The following PSMA1 variants were observed in gnomAD, a reference collection of about 807,000 sequenced individuals.
PSMA1 encodes proteasome 20S subunit alpha 1, also known as proteasome subunit alpha type-1.
A neutral mutation model predicts 38.4 loss-of-function variants in PSMA1; 3 were observed. The ratio of observed to expected loss-of-function variants is 0.08; its 90% confidence interval spans 0.04 to 0.20. PSMA1 has a LOEUF of 0.20. Ranked by LOEUF, PSMA1 falls within the 10% of genes least tolerant of loss-of-function variation. The pLI is 1.00. For synonymous variants in PSMA1, 101 were observed against 107.1 expected, an observed-to-expected ratio of 0.94 and a Z score of 0.35; for missense variants, 227 against 325.3, an observed-to-expected ratio of 0.70 and a Z score of 2.32.
At chr11:14,514,276 C>A in intron 5 of PSMA1, 127 bp downstream of exon 5, 1 of 1,383,978 alleles carries the variant, frequency 7.2e-7, no homozygotes, top group South Asian at 1.9e-5. Context: ...AAAGAGCAAT[C>A]CAATTTGTTG....
At chr11:14,637,054 A>G (rs555003870) in intron 1 of PSMA1, among the ~76,000 whole-genome samples, 19 of 152,186 alleles carry the variant, frequency 1.2e-4, no homozygotes, top group African/African-American at 4.6e-4. Context: ...CCTCCTTTAA[A>G]ACTTAACAGT....
At chr11:14,599,176 T>G (rs1852545691) in intron 2 of PSMA1, among the ~76,000 whole-genome samples, 1 of 152,224 alleles carries the variant, frequency 6.6e-6, no homozygotes, top group Non-Finnish European at 1.5e-5. Context: ...TAACATTTTT[T>G]CCTTCATTTC....
chr11:14,516,557 T>C (rs1433776850), intron 4 of PSMA1, among the ~76,000 whole-genome samples: 1 of 152,252 alleles, frequency 6.6e-6, no homozygotes, highest in African/African-American at 2.4e-5. Context: ...GCTAACTACC[T>C]GCCATCCACA....
At chr11:14,582,344 C>T (rs1852290719) in intron 2 of PSMA1, among the ~76,000 whole-genome samples, 1 of 151,984 alleles carries the variant, frequency 6.6e-6, no homozygotes, top group African/African-American at 2.4e-5. Context: ...CTTTCTCTCC[C>T]CACCTAGAAT....
intron 2 of PSMA1, among the ~76,000 whole-genome samples, chr11:14,607,547 C>T (rs556627887): frequency 2.6e-5 from 4 of 152,276 alleles, no homozygotes; most frequent in African/African-American, 7.2e-5. Context: ...GATGTCTAGC[C>T]AAGTTGTCCT....
At chr11:14,617,956 G>A (rs1193521414) in intron 1 of PSMA1, among the ~76,000 whole-genome samples, 1 of 152,134 alleles carries the variant, frequency 6.6e-6, no homozygotes, top group Admixed American at 6.5e-5. Flanking sequence ...ACTAGCTGAT[G>A]ACTTTGGCCA....
At chr11:14,506,490 T>C (rs989602999) in intron 9 of PSMA1, among the ~76,000 whole-genome samples, 2 of 152,092 alleles carry the variant, frequency 1.3e-5, no homozygotes, top group African/African-American at 4.8e-5. Flanking sequence ...TGTAGAAATT[T>C]CCATACTAGA....
chr11:14,523,136 A>G (rs1851547413), upstream of PSMA1, among the ~76,000 whole-genome samples: 1 of 152,220 alleles, frequency 6.6e-6, no homozygotes, highest in Non-Finnish European at 1.5e-5. Flanking sequence ...TTGTAGACCA[A>G]AAGAAGGGGC....
At chr11:14,575,010 T>C (rs1852194931) in intron 2 of PSMA1, among the ~76,000 whole-genome samples, 1 of 152,186 alleles carries the variant, frequency 6.6e-6, no homozygotes, top group African/African-American at 2.4e-5. Flanking sequence ...TAGCACTTCC[T>C]AGAGACCTGT....
chr11:14,567,919 T>C (rs1372990587), intron 2 of PSMA1, among the ~76,000 whole-genome samples: 1 of 152,140 alleles, frequency 6.6e-6, no homozygotes, highest in East Asian at 1.9e-4. Context: ...TTCCTTCGGG[T>C]AGGAATTATA....
At chr11:14,621,637 C>T (rs569870668) in intron 1 of PSMA1, among the ~76,000 whole-genome samples, 11 of 152,136 alleles carry the variant, frequency 7.2e-5, no homozygotes, top group African/African-American at 1.7e-4. Flanking sequence ...CTTTTTCTCT[C>T]CACTAGCTAT....
chr11:14,523,483 C>G (rs1167323443), upstream of PSMA1, among the ~76,000 whole-genome samples: 1 of 151,928 alleles, frequency 6.6e-6, no homozygotes, highest in Admixed American at 6.6e-5. Context: ...GTTGCCCAGG[C>G]TGGTCATGAA....
chr11:14,516,789 G>A (rs1408230740), intron 4 of PSMA1, among the ~76,000 whole-genome samples: 1 of 152,142 alleles, frequency 6.6e-6, no homozygotes, highest in African/African-American at 2.4e-5. Flanking sequence ...AGCCAGGCGT[G>A]GTGGCGGGTG....
chr11:14,587,308 C>T (rs1301132113), intron 2 of PSMA1, among the ~76,000 whole-genome samples: 2 of 152,194 alleles, frequency 1.3e-5, no homozygotes, highest in Admixed American at 1.3e-4. Flanking sequence ...CCTTTGGAAT[C>T]TGGCGGTGTC....
chr11:14,520,278 A>G lies in PSMA1; in HGVS notation c.3+19T>C. ...CAGAGCTCTGCCCTAAACCTTCCAG[A>G]GATCGGGATTCAACGTACCATGGTG... On this transcript the variant is annotated intron_variant, in intron 1 of 9. Coordinates refer to ENST00000396394, the MANE Select transcript of PSMA1 (RefSeq NM_002786.4). 1 of 1,614,064 alleles carries G rather than the reference A, an allele frequency of 6.2e-7. No homozygotes were observed. Among genetic ancestry groups the G allele is most frequent in the Non-Finnish European group, 8.5e-7 (1 of 1,179,902 alleles).
intron 2 of PSMA1, among the ~76,000 whole-genome samples, chr11:14,584,476 A>C (rs111386220): frequency 0.011 from 1,648 of 151,596 alleles, 29 homozygotes; most frequent in African/African-American, 0.037. Flanking sequence ...GCTATGTGAT[A>C]ATATGGTTTG....
At chr11:14,630,948 T>A (rs549049540) in intron 1 of PSMA1, among the ~76,000 whole-genome samples, 10 of 152,238 alleles carry the variant, frequency 6.6e-5, no homozygotes, top group Admixed American at 5.9e-4. Flanking sequence ...CTAGTTTATT[T>A]GCGTAGAGGT....
At chr11:14,613,492 G>C (rs1852733988) in intron 1 of PSMA1, among the ~76,000 whole-genome samples, 1 of 152,032 alleles carries the variant, frequency 6.6e-6, no homozygotes, top group Admixed American at 6.5e-5. Flanking sequence ...GACCTCAGGT[G>C]ATCTGCCCAC....
chr11:14,546,700 A>T (rs1222545122), intron 2 of PSMA1, among the ~76,000 whole-genome samples: 3 of 152,080 alleles, frequency 2.0e-5, no homozygotes, highest in African/African-American at 7.2e-5. Context: ...CCTCCCAAAG[A>T]GCTGGAATTA....
Sources: gnomAD v4.1 joint callset for allele counts (sites outside exome capture counted in the v4.1 genomes callset) on GRCh38, gnomAD v4.1.1 for gene constraint, MANE v1.5 for transcripts, NCBI Gene and HGNC (gene_info 2026-07-23, HGNC 2026-07-21) for gene names.